Variants in EIF5B observed in about 807,000 individuals in gnomAD.
EIF5B encodes the protein eIF-5B.
A neutral mutation model predicts 147.5 loss-of-function variants in EIF5B; 47 were observed. That is an observed-to-expected ratio of 0.32 (90% CI 0.25 to 0.41). The LOEUF is 0.41. EIF5B is among the 10% of genes least tolerant of loss of function. The pLI is 1.00. For missense variants in EIF5B, 1,064 were observed against 1,413.2 expected (o/e 0.75, Z 3.96); for synonymous variants, 455 against 456.2 (o/e 1.00, Z 0.03).
intron 14 of EIF5B, among the ~76,000 whole-genome samples, chr2:99,384,997 A>C (rs986078844): frequency 7.2e-5 from 11 of 152,208 alleles, no homozygotes; most frequent in Non-Finnish European, 1.5e-4. Flanking sequence ...ATTTTGAAAG[A>C]AGCTCTATTC....
chr2:99,390,372 T>C lies in EIF5B; in HGVS notation c.2557T>C (p.Cys853Arg), dbSNP rs766616065. Residue 853 changes from cysteine (C) to arginine (R), a missense_variant, in exon 16 of 24, where the codon TGT (cysteine) becomes CGT (arginine). Coordinates refer to ENST00000289371, the MANE Select transcript of EIF5B (RefSeq NM_015904.4). ...CATGTTGAGCAAGAGACTTGCACAC[T>C]GTGAAGAGCTGAGAGCACAGGTGAT... ...QTMLSKRLAH[C>R]EELRAQVMEV... 4 of 1,613,972 alleles carry C rather than the reference T, an allele frequency of 2.5e-6. No homozygotes were observed. Among genetic ancestry groups the C allele is most frequent in the Admixed American group, 3.3e-5 (2 of 59,992 alleles).
In EIF5B at chr2:99,363,071, G is replaced by C. The variant is rs528951958; in HGVS notation, c.920-574G>C. 2.0e-4 allele frequency among the ~76,000 whole-genome samples: 31 copies of C among 152,194 alleles called. No individual in the cohort carries two copies. The South Asian group carries it at 6.2e-3, about 31-fold the overall frequency. The stretch of plus-strand genomic sequence containing the variant: ...ACCGTGCCCAGCAACTTTTTTAAAT[G>C]CTAGCATATTTATTATCTGGATATA... On this transcript the variant is annotated intron_variant, in intron 4 of 23. Coordinates refer to ENST00000289371, the MANE Select transcript of EIF5B (RefSeq NM_015904.4).
At chr2:99,379,287 A>G in intron 11 of EIF5B, 31 bp from the exon 12 acceptor site, 2 of 1,566,258 alleles carry the variant, frequency 1.3e-6, no homozygotes, top group Non-Finnish European at 8.7e-7. Flanking sequence ...CCATGTTCAA[A>G]TACCAATCTG....
intron 22 of EIF5B, chr2:99,397,890 C>T (rs867043869): frequency 2.0e-5 from 3 of 151,768 alleles, no homozygotes; most frequent in Non-Finnish European, 4.4e-5. Flanking sequence ...TACAAAGAAC[C>T]TCTTCCCACT....
intron 14 of EIF5B, among the ~76,000 whole-genome samples, chr2:99,389,099 C>T (rs1200016012): frequency 6.6e-6 from 1 of 152,102 alleles, no homozygotes; most frequent in African/African-American, 2.4e-5. Context: ...GATTTGTCTC[C>T]TTAGTAGCAT....
chr2:99,379,424 A>G lies in EIF5B; in HGVS notation c.2057A>G (p.Lys686Arg). Residue 686 changes from lysine to arginine, a missense_variant, in exon 12 of 24, where the codon AAA becomes AGA. This residue lies in a region of EIF5B where 380 missense variants were observed against 715.6 expected (regional missense o/e 0.53). Coordinates refer to ENST00000289371, the MANE Select transcript of EIF5B (RefSeq NM_015904.4). The stretch of plus-strand genomic sequence containing the variant: ...ATTAATGAACAGACTAAGATGATTA[A>G]AAATGTAAGTACATTGTATTTCATG... ...EAINEQTKMIKNFDRENVRIP... is the reference protein window; with the variant it reads ...EAINEQTKMIRNFDRENVRIP... 6.2e-7 allele frequency: 1 copy of G among 1,604,436 alleles called. No individual in the cohort carries two copies. The highest frequency in any genetic ancestry group is 1.7e-5 in the Admixed American group (1 of 58,624).
Position 99,392,960 on chromosome 2 carries a change from T to C in EIF5B, c.2749-7T>C. 6.9e-7 allele frequency: 1 copy of C among 1,451,192 alleles called. No homozygotes were observed. Among genetic ancestry groups the C allele is most frequent in the Non-Finnish European group, 9.1e-7 (1 of 1,095,398 alleles). 89.9% of individuals were successfully genotyped at this position (1,451,192 alleles called of 1,614,324 possible). ...ACATTTGGTAACAAATGTTTTTATC[T>C]CTGTAGAACCAGTATGAAAAGCATA... On this transcript the variant is annotated splice_polypyrimidine_tract_variant and splice_region_variant and intron_variant, in intron 17 of 23. Transcript: ENST00000289371.
Position 99,361,835 on chromosome 2 carries a change from T to C in EIF5B, c.919+15T>C, listed in dbSNP as rs780452359. ...AGCTGCAGAAGGTTGGTTAATACTT[T>C]AGAGGAAAGAGCAAAAGGCTTTTGA... is the stretch of plus-strand genomic sequence containing the variant. On this transcript the variant is annotated intron_variant, in intron 4 of 23. Transcript: ENST00000289371. 2.0e-6 allele frequency: 3 copies of C among 1,507,888 alleles called. No individual in the cohort carries two copies. The highest frequency in any genetic ancestry group is 1.4e-5 in the South Asian group (1 of 70,910). 93.4% of individuals were successfully genotyped at this position (1,507,888 alleles called of 1,614,324 possible).
At chr2:99,346,525 A>G (rs2094273667) in intron 1 of EIF5B, among the ~76,000 whole-genome samples, 1 of 151,500 alleles carries the variant, frequency 6.6e-6, no homozygotes, top group Non-Finnish European at 1.5e-5. Flanking sequence ...TATGGAGTAC[A>G]GAGACTGAGT....
At chr2:99,383,375 C>G (rs1263788429) in intron 14 of EIF5B, among the ~76,000 whole-genome samples, 2 of 152,162 alleles carry the variant, frequency 1.3e-5, no homozygotes, top group African/African-American at 4.8e-5. Flanking sequence ...GTTCCCTTGT[C>G]TCTTTCTCTC....
chr2:99,337,524 G>GC lies in EIF5B; in HGVS notation c.-31_-30insC, dbSNP rs760401554. ...TGGGTCTGTGAGAGACCGAATAGAG[G>GC]GGCTGGGGCCACGAGCGCCATTGAC... On this transcript the variant is annotated 5_prime_UTR_variant, in exon 1 of 24. Transcript: ENST00000289371. The GC allele has an allele frequency of 4.4e-5, 71 of 1,609,672 alleles. No homozygotes were observed. The Admixed American group carries it at 5.0e-4, about 11-fold the overall frequency.
chr2:99,378,906 A>C, intron 10 of EIF5B, 113 bp from the exon 11 acceptor site: 1 of 767,984 alleles, frequency 1.3e-6, no homozygotes. Context: ...CAAATCAACA[A>C]AGAACTTGGA....
intron 18 of EIF5B, among the ~76,000 whole-genome samples, chr2:99,393,525 G>C (rs936948550): frequency 6.6e-6 from 1 of 151,816 alleles, no homozygotes; most frequent in Non-Finnish European, 1.5e-5. Flanking sequence ...GCTAGAAATT[G>C]TATATTCTTT....
chr2:99,356,474 A>T (rs1674098588), intron 1 of EIF5B, among the ~76,000 whole-genome samples: 1 of 152,168 alleles, frequency 6.6e-6, no homozygotes, highest in Admixed American at 6.5e-5. Flanking sequence ...GACTAGTGGA[A>T]TTATTTCATA....
intron 1 of EIF5B, among the ~76,000 whole-genome samples, chr2:99,356,903 C>G (rs889526064): frequency 6.6e-6 from 1 of 152,132 alleles, no homozygotes; most frequent in African/African-American, 2.4e-5. Context: ...TCCCCCTGCC[C>G]CTAATTTGAC....
At position 99,376,553 on chromosome 2, in the gene EIF5B, A is replaced by G. The variant is rs1365493785; in HGVS notation, c.1759A>G (p.Met587Val). 1.9e-6 allele frequency: 3 copies of G among 1,614,138 alleles called. No individual in the cohort carries two copies. The highest frequency in any genetic ancestry group is 1.3e-5 in the African/African-American group (1 of 75,058). ...ATTAGATAAAAAGCCAAGTAAAGAA[A>G]TGAGCTCAGATTCTGAATATGACTC... ...KTLDKKPSKEMSSDSEYDSDD... is the reference protein window; with the variant it reads ...KTLDKKPSKEVSSDSEYDSDD... Residue 587 changes from methionine to valine, a missense_variant, in exon 10 of 24, where the codon ATG (methionine) becomes GTG (valine). By Grantham distance (21) the Met-to-Val change is conservative. Around this residue, in one of 4 missense-constraint regions of EIF5B, gnomAD observed 195 missense variants for 186.3 expected, o/e 1.05. Coordinates refer to ENST00000289371, the MANE Select transcript of EIF5B (RefSeq NM_015904.4).
intron 8 of EIF5B, among the ~76,000 whole-genome samples, chr2:99,371,311 A>AC (rs1674442462): frequency 6.6e-6 from 1 of 152,024 alleles, no homozygotes. Context: ...ACACGGTGAA[A>AC]CCCCGTCTCT....
chr2:99,360,685 G>A, intron 3 of EIF5B, 136 bp downstream of exon 3: 1 of 744,432 alleles, frequency 1.3e-6, no homozygotes, highest in Admixed American at 3.8e-5. Context: ...GAAATCTGAT[G>A]TCAAAGGGAA....
intron 1 of EIF5B, among the ~76,000 whole-genome samples, chr2:99,359,710 ATGTTTTTCTC>A (rs1674167385): frequency 1.3e-5 from 2 of 152,298 alleles, no homozygotes; most frequent in South Asian, 4.1e-4. Context: ...ATGTGTGGTT[ATGTTTTTCTC>A]AGGACATTCA....
Sources: allele counts gnomAD v4.1 joint callset (sites outside exome capture counted in the v4.1 genomes callset), GRCh38; gene constraint gnomAD v4.1.1; regional missense constraint gnomAD v4.1.1; transcripts MANE v1.5; gene names NCBI Gene and HGNC (gene_info 2026-07-23, HGNC 2026-07-21).